CRISPLD2: variants seen among roughly 807,000 people sequenced by gnomAD.
CRISPLD2 encodes the protein cysteine-rich secretory protein LCCL domain-containing 2.
A neutral mutation model predicts 71.1 loss-of-function variants in CRISPLD2; 47 were observed. That is an observed-to-expected ratio of 0.66 (90% CI 0.52 to 0.84). The LOEUF (loss-of-function observed/expected upper bound fraction) is 0.84, where lower values mean the gene tolerates loss of function less well. CRISPLD2 is among the 40% of genes least tolerant of loss of function. CRISPLD2 has a pLI of 0.00. For missense variants in CRISPLD2, 830 were observed against 651.1 expected (o/e 1.27, Z -2.99); for synonymous variants, 317 against 250.1 (o/e 1.27, Z -2.52).
intron 13 of CRISPLD2, among the ~76,000 whole-genome samples, chr16:84,887,748 T>C (rs1351968025): frequency 6.6e-6 from 1 of 152,076 alleles, no homozygotes; most frequent in Non-Finnish European, 1.5e-5. Context: ...TGGTGGTGCG[T>C]GCCTGTAATC....
chr16:84,839,026 C>G (rs908767626), intron 2 of CRISPLD2: 68 of 518,664 alleles, frequency 1.3e-4, no homozygotes, highest in African/African-American at 1.1e-3. Context: ...GCTGGAACTA[C>G]AGGCATGCAC....
chr16:84,878,826 T>G (rs1039761030), intron 12 of CRISPLD2, among the ~76,000 whole-genome samples: 8 of 152,252 alleles, frequency 5.3e-5, no homozygotes, highest in Non-Finnish European at 8.8e-5. Context: ...ATAATACATC[T>G]GTAATGCTAA....
intron 8 of CRISPLD2, among the ~76,000 whole-genome samples, chr16:84,871,047 A>G (rs1410381682): frequency 6.6e-6 from 1 of 152,014 alleles, no homozygotes; most frequent in East Asian, 1.9e-4. Flanking sequence ...ACAGAATGAG[A>G]CTCTGTCTCA....
chr16:84,883,711 C>T (rs780919005), intron 13 of CRISPLD2, among the ~76,000 whole-genome samples: 2 of 152,148 alleles, frequency 1.3e-5, no homozygotes, highest in Admixed American at 6.5e-5. Flanking sequence ...ACTGGGCTAG[C>T]GATGACAATC....
intron 6 of CRISPLD2, among the ~76,000 whole-genome samples, chr16:84,862,572 C>A (rs1006285186): frequency 6.6e-6 from 1 of 151,426 alleles, no homozygotes; most frequent in East Asian, 1.9e-4. Context: ...GTGCCTAAAG[C>A]GTTTCTCATG....
intron 13 of CRISPLD2, among the ~76,000 whole-genome samples, chr16:84,883,790 C>G (rs1168967763): frequency 2.0e-5 from 3 of 151,900 alleles, no homozygotes; most frequent in Non-Finnish European, 2.9e-5. Flanking sequence ...TGACTGACGC[C>G]TACTGAGCAT....
chr16:84,838,163 GA>G lies in CRISPLD2; in HGVS notation c.-74-255del, dbSNP rs369581017. Among the ~76,000 whole-genome samples the G allele has an allele frequency of 4.6e-3, 696 of 152,228 alleles. 11 individuals carry two copies. The highest frequency in any genetic ancestry group is 0.016 in the African/African-American group (676 of 41,538). On this transcript the variant is annotated intron_variant, in intron 1 of 14. Transcript: ENST00000262424. ...TAGAAAATGCAGGGACTCGCTCAAG[GA>G]AAACTTGAGTCCAGGAAGAACTGTT...
intron 14 of CRISPLD2, among the ~76,000 whole-genome samples, chr16:84,905,896 G>A (rs940928458): frequency 2.6e-5 from 4 of 151,880 alleles, no homozygotes; most frequent in African/African-American, 9.7e-5. Context: ...TTTTCGTAGA[G>A]ATGGGGTTTC....
chr16:84,852,896 T>C (rs550091100), intron 5 of CRISPLD2, among the ~76,000 whole-genome samples: 1 of 152,124 alleles, frequency 6.6e-6, no homozygotes, highest in South Asian at 2.1e-4. Context: ...CAAAACCCCA[T>C]CTCCACGAAA....
At chr16:84,901,026 C>T (rs374079566) in intron 14 of CRISPLD2, among the ~76,000 whole-genome samples, 1 of 142,838 alleles carries the variant, frequency 7.0e-6, no homozygotes, top group African/African-American at 3.0e-5. Context: ...CACACACACA[C>T]ACACACACAC....
chr16:84,867,033 C>T lies in CRISPLD2; in HGVS notation c.846C>T (p.Asn282=), dbSNP rs1476998905. 5.6e-6 allele frequency: 9 copies of T among 1,613,934 alleles called. No individual in the cohort carries two copies. Among genetic ancestry groups the T allele is most frequent in the Middle Eastern group, 1.6e-4 (1 of 6,084 alleles). Reference sequence around the variant, plus strand: ...AGCCCAAGAAAACCTCTGCGGTCAACTACATGAGTGAGTCTAGGCCGTCCT... The same window carrying T: ...AGCCCAAGAAAACCTCTGCGGTCAATTACATGAGTGAGTCTAGGCCGTCCT... ...PTKPKKTSAV[N]YMTQVVRCDT... is the part of the protein sequence containing the mutation. Residue 282 remains asparagine (N), a synonymous_variant, in exon 7 of 15, where the codon AAC becomes AAT. Coordinates refer to ENST00000262424, the MANE Select transcript of CRISPLD2 (RefSeq NM_031476.4).
rs377296604 is a variant in CRISPLD2, at chr16:84,849,458, G to C, written c.433G>C (p.Glu145Gln). The C allele has an allele frequency of 2.5e-5, 41 of 1,614,010 alleles. No individual in the cohort carries two copies. The highest frequency in any genetic ancestry group is 3.3e-5 in the Non-Finnish European group (39 of 1,180,004). ...GGACTACACCTACCCCTACCCGAGC[G>C]AGTGCAACCCCTGGTGTCCAGAGAG... is the stretch of plus-strand genomic sequence containing the variant. ...VKDYTYPYPS[E>Q]CNPWCPERCS... Residue 145 changes from glutamate (E) to glutamine (Q), a missense_variant, in exon 4 of 15, where the codon GAG becomes CAG. Glu to Gln is a conservative substitution (Grantham distance 29). Coordinates refer to ENST00000262424, the MANE Select transcript of CRISPLD2 (RefSeq NM_031476.4).
At position 84,872,472 on chromosome 16, in the gene CRISPLD2, C is replaced by G; in HGVS notation, c.945C>G (p.His315Gln). 2 of 1,614,024 alleles carry G rather than the reference C, an allele frequency of 1.2e-6. No homozygotes were observed. The highest frequency in any genetic ancestry group is 1.7e-6 in the Non-Finnish European group (2 of 1,179,940). Residue 315 changes from histidine to glutamine, a missense_variant, in exon 9 of 15, where the codon CAC becomes CAG. Transcript: ENST00000262424. Reference sequence around the variant, plus strand: ...AGTGCCCAGCAGGCTGCCTGAACCACAAGGCGAAGATCTTTGGAACTCTGT... The same window carrying G: ...AGTGCCCAGCAGGCTGCCTGAACCAGAAGGCGAAGATCTTTGGAACTCTGT... ...RYQCPAGCLN[H>Q]KAKIFGTLFY...
chr16:84,826,491 G>A (rs1916355184), intron 1 of CRISPLD2, among the ~76,000 whole-genome samples: 1 of 152,218 alleles, frequency 6.6e-6, no homozygotes, highest in Non-Finnish European at 1.5e-5. Flanking sequence ...CTGAAGGGGT[G>A]AGCTGTTTCC....
intron 1 of CRISPLD2, among the ~76,000 whole-genome samples, chr16:84,827,235 G>A (rs1916374682): frequency 1.3e-5 from 2 of 151,484 alleles, no homozygotes; most frequent in South Asian, 2.1e-4. Context: ...TTGAATCCCC[G>A]GAGTCTGGCC....
intron 13 of CRISPLD2, 126 bp downstream of exon 13, chr16:84,880,710 A>C: frequency 1.7e-6 from 1 of 598,602 alleles, no homozygotes. Context: ...TTAATTAATT[A>C]ATTAATTAAT....
chr16:84,850,457 C>A, intron 4 of CRISPLD2, 111 bp from the exon 5 acceptor site: 1 of 810,900 alleles, frequency 1.2e-6, no homozygotes, highest in Non-Finnish European at 2.1e-6. Context: ...GCTTCCCCAA[C>A]CCTTCACCTC....
At chr16:84,845,950 C>G in intron 3 of CRISPLD2, 46 bp downstream of exon 3, 1 of 1,300,752 alleles carries the variant, frequency 7.7e-7, no homozygotes, top group East Asian at 2.3e-5. Context: ...ACCCCACTGC[C>G]GTGTGCCGGG....
At chr16:84,882,683 A>C (rs1438795589) in intron 13 of CRISPLD2, among the ~76,000 whole-genome samples, 2 of 152,208 alleles carry the variant, frequency 1.3e-5, no homozygotes, top group Admixed American at 6.5e-5. Context: ...GGGATTACCA[A>C]CATGAGCCTC....
Sources: gnomAD v4.1 joint callset for allele counts (sites outside exome capture counted in the v4.1 genomes callset) on GRCh38, gnomAD v4.1.1 for gene constraint, MANE v1.5 for transcripts, NCBI Gene and HGNC (gene_info 2026-07-23, HGNC 2026-07-21) for gene names.